Variants in TMEM117 observed in about 807,000 individuals in gnomAD.
The protein encoded by TMEM117 is transmembrane protein 117.
In TMEM117, 27 loss-of-function variants were observed where a neutral mutation model predicts 52.4. The observed-to-expected ratio is 0.51, with a 90% CI of 0.38 to 0.71. The LOEUF (loss-of-function observed/expected upper bound fraction) is 0.71. Ranked by LOEUF, TMEM117 falls within the 30% of genes least tolerant of loss-of-function variation. The pLI, the probability that TMEM117 is intolerant of heterozygous loss-of-function variation, is 0.00. For synonymous variants in TMEM117, 215 were observed against 206.3 expected (o/e 1.04, Z -0.36); for missense variants, 556 against 630.5 (o/e 0.88, Z 1.26).
intron 2 of TMEM117, among the ~76,000 whole-genome samples, chr12:43,915,919 C>T (rs1944594434): frequency 6.6e-6 from 1 of 151,716 alleles, no homozygotes; most frequent in South Asian, 2.1e-4. Context: ...GCTTCAGCAC[C>T]CCCCTCAACC....
intron 5 of TMEM117, among the ~76,000 whole-genome samples, chr12:44,269,655 T>C (rs1039238110): frequency 1.3e-5 from 2 of 152,116 alleles, no homozygotes; most frequent in African/African-American, 4.8e-5. Context: ...TTACCTTCGA[T>C]TTTGTTTATT....
At chr12:44,146,186 C>A (rs1264080162) in intron 4 of TMEM117, among the ~76,000 whole-genome samples, 1 of 152,186 alleles carries the variant, frequency 6.6e-6, no homozygotes, top group Admixed American at 6.5e-5. Context: ...TTTCATCTGG[C>A]TAAGGGGAGT....
At chr12:43,799,456 G>C in the TMEM117 span, 1 of 1,610,286 alleles carries the variant, frequency 6.2e-7, no homozygotes, top group African/African-American at 1.3e-5. Context: ...GGCAGGGGAA[G>C]ATTGTGACAG....
chr12:43,806,199 G>A, the TMEM117 span: 2 of 1,537,906 alleles, frequency 1.3e-6, no homozygotes, highest in East Asian at 2.5e-5. Context: ...CCTTCCCTGC[G>A]AGTCGCGCCG....
chr12:44,315,382 T>C (rs1438944640), intron 6 of TMEM117, among the ~76,000 whole-genome samples: 1 of 152,230 alleles, frequency 6.6e-6, no homozygotes, highest in Non-Finnish European at 1.5e-5. Context: ...TTGAAGTAGA[T>C]GTTTAGAGCT....
intron 6 of TMEM117, among the ~76,000 whole-genome samples, chr12:44,374,222 G>A (rs968014374): frequency 5.3e-5 from 8 of 152,124 alleles, no homozygotes; most frequent in Admixed American, 2.6e-4. Context: ...GGTATCTAGA[G>A]TAGGAATTGA....
the TMEM117 span, among the ~76,000 whole-genome samples, chr12:43,807,486 A>G: frequency 2.0e-5 from 3 of 152,310 alleles, no homozygotes; most frequent in African/African-American, 7.2e-5. Context: ...GTTTCATTCT[A>G]ATCAAATTCT....
chr12:44,115,085 G>A (rs753840776), intron 3 of TMEM117, among the ~76,000 whole-genome samples: 13 of 152,114 alleles, frequency 8.5e-5, no homozygotes, highest in South Asian at 2.1e-4. Flanking sequence ...TAGCATATGC[G>A]TCATCTGTTC....
At chr12:44,229,491 G>A (rs777547134) in intron 5 of TMEM117, among the ~76,000 whole-genome samples, 1 of 152,090 alleles carries the variant, frequency 6.6e-6, no homozygotes, top group Non-Finnish European at 1.5e-5. Context: ...TGCTCATGGG[G>A]TCCAGGTAAA....
intron 5 of TMEM117, among the ~76,000 whole-genome samples, chr12:44,273,896 T>C (rs562388079): frequency 5.9e-5 from 9 of 152,130 alleles, no homozygotes; most frequent in Non-Finnish European, 1.2e-4. Flanking sequence ...AAGCCTCTCC[T>C]CTAAGATCTG....
intron 6 of TMEM117, among the ~76,000 whole-genome samples, chr12:44,307,065 T>C (rs1311959097): frequency 2.0e-5 from 3 of 152,184 alleles, no homozygotes; most frequent in African/African-American, 7.2e-5. Context: ...CTCTAAGAAG[T>C]AGGTTGACTA....
intron 3 of TMEM117, among the ~76,000 whole-genome samples, chr12:44,135,147 T>C (rs1948471220): frequency 6.6e-6 from 1 of 152,212 alleles, no homozygotes; most frequent in African/African-American, 2.4e-5. Context: ...AGGAAAGATA[T>C]TTCCTTCTTT....
chr12:44,232,190 T>G (rs1949941896), intron 5 of TMEM117, among the ~76,000 whole-genome samples: 1 of 151,650 alleles, frequency 6.6e-6, no homozygotes, highest in Non-Finnish European at 1.5e-5. Context: ...ACTTTTAGTG[T>G]TTTATTAAGA....
chr12:43,906,279 A>G (rs867740626), intron 2 of TMEM117, among the ~76,000 whole-genome samples: 2 of 152,196 alleles, frequency 1.3e-5, no homozygotes, highest in Admixed American at 6.5e-5. Flanking sequence ...CCTGGCCAAC[A>G]TGGTGAAACC....
intron 4 of TMEM117, among the ~76,000 whole-genome samples, chr12:44,208,209 G>A (rs949535481): frequency 6.6e-6 from 1 of 151,998 alleles, no homozygotes; most frequent in African/African-American, 2.4e-5. Flanking sequence ...TGCTCAGATT[G>A]TACAATATGT....
At chr12:43,857,234 T>C (rs148369235) in intron 2 of TMEM117, among the ~76,000 whole-genome samples, 21 of 152,158 alleles carry the variant, frequency 1.4e-4, no homozygotes, top group Non-Finnish European at 2.1e-4. Flanking sequence ...TGTAAAAGGA[T>C]ACCTCAAGGA....
chr12:43,862,867 C>A (rs1943513447), intron 2 of TMEM117, among the ~76,000 whole-genome samples: 1 of 152,090 alleles, frequency 6.6e-6, no homozygotes, highest in Admixed American at 6.6e-5. Flanking sequence ...TCTGGGAGGC[C>A]AAGACAGGAG....
At chr12:44,008,362 T>A (rs1309114861) in intron 3 of TMEM117, among the ~76,000 whole-genome samples, 1 of 152,224 alleles carries the variant, frequency 6.6e-6, no homozygotes, top group African/African-American at 2.4e-5. Context: ...AATAACCAGA[T>A]ACATACATAT....
At chr12:44,272,063 A>G (rs2138570292) in intron 5 of TMEM117, among the ~76,000 whole-genome samples, 1 of 152,234 alleles carries the variant, frequency 6.6e-6, no homozygotes, top group South Asian at 2.1e-4. Context: ...GAGTGGCTGC[A>G]ATCAAAAAGA....
Sources: allele counts gnomAD v4.1 joint callset (sites outside exome capture counted in the v4.1 genomes callset), GRCh38; gene constraint gnomAD v4.1.1; transcripts MANE v1.5; gene names NCBI Gene and HGNC (gene_info 2026-07-23, HGNC 2026-07-21).